Variants in DMD observed in about 807,000 individuals in gnomAD.
DMD encodes the protein mutant dystrophin.
In DMD, 63 loss-of-function variants were observed where a neutral mutation model predicts 330.1. That is an observed-to-expected ratio of 0.19 (90% CI 0.16 to 0.24). DMD has a LOEUF of 0.24. Among genes scored for constraint, DMD ranks in the 10% least tolerant of loss-of-function variants. The pLI is 1.00. For synonymous variants in DMD, 1,223 were observed against 959.8 expected (o/e 1.27, Z -5.07); for missense variants, 3,344 against 2,684.1 (o/e 1.25, Z -5.43).
chrX:31,632,696 G>A (rs1478861432), intron 54 of DMD, among the ~76,000 whole-genome samples: 1 of 111,804 alleles, frequency 8.9e-6, no homozygotes, highest in Non-Finnish European at 1.9e-5. Context: ...AGATCAAAAT[G>A]ATTCTTGCCA....
In DMD at chrX:31,237,719, ATTTTAT is replaced by A. The variant is rs201621008; in HGVS notation, c.9287-14604_9287-14599del. On this transcript the variant is annotated intron_variant, in intron 63 of 78. Transcript: ENST00000357033. ...GGTACTCCGGGAAAATACTCTTTTT[ATTTTAT>A]TTTTATTTTTTTTAGACGGAGTCTC... 1.8e-4 allele frequency among the ~76,000 whole-genome samples: 20 copies of A among 111,022 alleles called. No homozygotes were observed. In the East Asian group the frequency reaches 5.6e-3, roughly 31 times the overall value.
chrX:32,412,575 G>A (rs1406919861), intron 29 of DMD, among the ~76,000 whole-genome samples: 1 of 111,709 alleles, frequency 9.0e-6, no homozygotes, highest in African/African-American at 3.3e-5. Context: ...AATCTTGATT[G>A]TAACTATAAG....
chrX:31,441,648 A>T (rs915352415), intron 60 of DMD, among the ~76,000 whole-genome samples: 2 of 112,326 alleles, frequency 1.8e-5, no homozygotes, highest in Admixed American at 9.5e-5. Flanking sequence ...TTTACTATTT[A>T]AAAAAATATG....
intron 44 of DMD, among the ~76,000 whole-genome samples, chrX:32,144,152 G>A (rs188974469): frequency 4.8e-4 from 54 of 111,781 alleles, no homozygotes; most frequent in African/African-American, 1.5e-3. Context: ...AGAAGATGCC[G>A]CAACTGATTT....
At chrX:32,879,025 CA>C (rs2083646123) in intron 2 of DMD, among the ~76,000 whole-genome samples, 1 of 96,848 alleles carries the variant, frequency 1.0e-5, no homozygotes, top group Non-Finnish European at 2.1e-5. Context: ...AAACAAAAAA[CA>C]AAAAACAAAC....
chrX:32,044,503 G>A (rs935573824), intron 44 of DMD, among the ~76,000 whole-genome samples: 3 of 110,212 alleles, frequency 2.7e-5, no homozygotes, highest in Non-Finnish European at 5.7e-5. Context: ...CTCACTGCAA[G>A]CTCTGCATCC....
chrX:31,124,122 C>T (rs971671866), intron 78 of DMD, among the ~76,000 whole-genome samples: 2 of 111,619 alleles, frequency 1.8e-5, no homozygotes, highest in African/African-American at 3.3e-5. Context: ...ATGCACACTC[C>T]GACAAAAAGT....
At chrX:32,389,281 C>T (rs933077435) in intron 32 of DMD, among the ~76,000 whole-genome samples, 24 of 111,608 alleles carry the variant, frequency 2.2e-4, no homozygotes, top group African/African-American at 7.2e-4. Context: ...ACACAAGCAA[C>T]ATCCTTTTAT....
At chrX:31,396,185 T>G (rs1242639787) in intron 60 of DMD, among the ~76,000 whole-genome samples, 2 of 104,676 alleles carry the variant, frequency 1.9e-5, no homozygotes, top group Non-Finnish European at 1.9e-5. Flanking sequence ...TGGCCCAGGC[T>G]GGAGTGCAGT....
At chrX:33,307,659 G>A (rs988272161) in intron 1 of DMD, among the ~76,000 whole-genome samples, 8 of 111,258 alleles carry the variant, frequency 7.2e-5, no homozygotes, top group Non-Finnish European at 1.3e-4. Flanking sequence ...ACTGCACTCC[G>A]GCCTGGGTGA....
At chrX:32,205,005 T>TCTCTCTCTCTCTCTCTCTCACA (rs60181300) in intron 44 of DMD, among the ~76,000 whole-genome samples, 1 of 29,232 alleles carries the variant, frequency 3.4e-5, no homozygotes, top group Non-Finnish European at 7.2e-5. Context: ...TCTCTCTCTC[T>TCTCTCTCTCTCTCTCTCTCACA]CACATACACA....
At chrX:32,853,270 C>A (rs1273955199) in intron 2 of DMD, among the ~76,000 whole-genome samples, 1 of 111,627 alleles carries the variant, frequency 9.0e-6, no homozygotes, top group African/African-American at 3.3e-5. Flanking sequence ...CATCTGAAGG[C>A]ACAAAACTCA....
intron 1 of DMD, among the ~76,000 whole-genome samples, chrX:33,328,021 T>G (rs765977651): frequency 2.5e-4 from 28 of 112,027 alleles, no homozygotes; most frequent in African/African-American, 8.7e-4. Context: ...ATTGTAAAAT[T>G]TATGTTGTTC....
intron 52 of DMD, among the ~76,000 whole-genome samples, chrX:31,688,272 A>C (rs781754557): frequency 2.7e-5 from 3 of 111,389 alleles, no homozygotes; most frequent in African/African-American, 9.8e-5. Flanking sequence ...TGCAATAAAA[A>C]ATGATAAAGG....
At chrX:32,525,213 T>C (rs2046831128) in intron 17 of DMD, among the ~76,000 whole-genome samples, 1 of 112,091 alleles carries the variant, frequency 8.9e-6, no homozygotes, top group South Asian at 3.7e-4. Context: ...CATCTCTGAT[T>C]TCCTTGCTAA....
chrX:32,265,886 A>T (rs1401412679), intron 43 of DMD, among the ~76,000 whole-genome samples: 1 of 111,999 alleles, frequency 8.9e-6, no homozygotes, highest in African/African-American at 3.2e-5. Context: ...TCCTAGGCAG[A>T]AGTGACTTGC....
chrX:32,546,449 C>G (rs762484373), intron 16 of DMD, among the ~76,000 whole-genome samples: 1 of 110,303 alleles, frequency 9.1e-6, no homozygotes, highest in Admixed American at 9.8e-5. Flanking sequence ...GTAGTAATCT[C>G]CCTGCCTCAT....
chrX:32,175,439 A>G (rs767321747), intron 44 of DMD, among the ~76,000 whole-genome samples: 4 of 110,940 alleles, frequency 3.6e-5, no homozygotes, highest in Non-Finnish European at 7.6e-5. Flanking sequence ...CACCCAAGCC[A>G]GCAGCGGCAA....
At chrX:32,236,895 T>G (rs1055197957) in intron 43 of DMD, among the ~76,000 whole-genome samples, 3 of 112,222 alleles carry the variant, frequency 2.7e-5, no homozygotes, top group African/African-American at 9.7e-5. Context: ...TTTTTAAACT[T>G]TAAAAATATT....
Sources: allele counts gnomAD v4.1 joint callset (sites outside exome capture counted in the v4.1 genomes callset), GRCh38; gene constraint gnomAD v4.1.1; transcripts MANE v1.5; gene names NCBI Gene and HGNC (gene_info 2026-07-23, HGNC 2026-07-21).